TM4SF20: variants seen among roughly 807,000 people sequenced by gnomAD.
TM4SF20 encodes the protein transmembrane 4 L6 family member 20.
Under a neutral mutation model 15.1 loss-of-function variants are expected in TM4SF20, and 13 were observed. The ratio of observed to expected loss-of-function variants is 0.86; its 90% CI spans 0.56 to 1.36. TM4SF20 has a LOEUF of 1.36. TM4SF20 is among the 40% of genes most tolerant of loss of function. The pLI is 0.00. For missense variants in TM4SF20, 282 were observed against 268.4 expected, an observed-to-expected ratio of 1.05 and a Z score of -0.35; for synonymous variants, 92 against 96.6, an observed-to-expected ratio of 0.95 and a Z score of 0.28.
At chr2:227,365,198 G>T (rs1205943728) in intron 3 of TM4SF20, among the ~76,000 whole-genome samples, 1 of 152,194 alleles carries the variant, frequency 6.6e-6, no homozygotes, top group Non-Finnish European at 1.5e-5. Flanking sequence ...GGCGTGAGCC[G>T]CTGTGCCTGG....
intron 1 of TM4SF20, among the ~76,000 whole-genome samples, chr2:227,377,675 G>A (rs1445691351): frequency 1.3e-5 from 2 of 152,122 alleles, no homozygotes; most frequent in African/African-American, 4.8e-5. Context: ...CCTTTGCAGG[G>A]ACATGGATGG....
intron 3 of TM4SF20, among the ~76,000 whole-genome samples, chr2:227,364,443 C>T (rs557361677): frequency 3.3e-5 from 5 of 150,408 alleles, no homozygotes; most frequent in African/African-American, 1.2e-4. Context: ...GCGTGGCGTC[C>T]GTTCTTCAAC....
At chr2:227,380,463 G>T (rs2076474582), upstream of TM4SF20, among the ~76,000 whole-genome samples, 1 of 150,044 alleles carries the variant, frequency 6.7e-6, no homozygotes, top group Admixed American at 6.6e-5. Flanking sequence ...CTTGATCCAG[G>T]CTTCCACAGT....
upstream of TM4SF20, among the ~76,000 whole-genome samples, chr2:227,380,522 T>TG (rs552816706): frequency 2.1e-3 from 316 of 152,290 alleles, no homozygotes; most frequent in Middle Eastern, 0.01. Context: ...TGGATCTATA[T>TG]GTTTCTGCCC....
At chr2:227,365,713 C>T (rs150624122) in intron 3 of TM4SF20, among the ~76,000 whole-genome samples, 2 of 152,246 alleles carry the variant, frequency 1.3e-5, no homozygotes, top group African/African-American at 4.8e-5. Flanking sequence ...TAAATGTTCT[C>T]TTCACTCTCA....
intron 2 of TM4SF20, among the ~76,000 whole-genome samples, chr2:227,366,453 C>A (rs1218533606): frequency 6.6e-6 from 1 of 151,998 alleles, no homozygotes; most frequent in Admixed American, 6.6e-5. Flanking sequence ...TGGGGCTGGG[C>A]ATGGTGGCTC....
chr2:227,381,073 G>A (rs561273062), upstream of TM4SF20, among the ~76,000 whole-genome samples: 1 of 152,204 alleles, frequency 6.6e-6, no homozygotes, highest in East Asian at 1.9e-4. Context: ...CCAGGAGTTC[G>A]AGACCAGCCT....
chr2:227,365,878 T>G, intron 3 of TM4SF20, among the ~76,000 whole-genome samples: 1 of 152,232 alleles, frequency 6.6e-6, no homozygotes, highest in East Asian at 1.9e-4. Flanking sequence ...TTAGACAATA[T>G]CTAAAAGTCC....
chr2:227,366,339 C>T (rs1414254708), intron 2 of TM4SF20, 95 bp from the exon 3 acceptor site: 8 of 1,109,086 alleles, frequency 7.2e-6, no homozygotes, highest in African/African-American at 1.6e-5. Flanking sequence ...TAAATCCAGT[C>T]GCCCTAAAAT....
chr2:227,368,225 C>G (rs182974675), intron 2 of TM4SF20, among the ~76,000 whole-genome samples: 23 of 149,108 alleles, frequency 1.5e-4, no homozygotes, highest in African/African-American at 5.6e-4. Context: ...GGGTTTCACC[C>G]TGTTAACCAG....
chr2:227,380,674 C>T (rs187407529), upstream of TM4SF20, among the ~76,000 whole-genome samples: 307 of 152,312 alleles, frequency 2.0e-3, no homozygotes, highest in Non-Finnish European at 3.3e-3. Context: ...ATCTCTACAG[C>T]GCCTTCCTTC....
intron 1 of TM4SF20, among the ~76,000 whole-genome samples, chr2:227,376,977 A>C (rs2106496299): frequency 6.6e-6 from 1 of 152,372 alleles, no homozygotes; most frequent in Non-Finnish European, 1.5e-5. Context: ...GCAGACGGCC[A>C]ATAAATGAGC....
chr2:227,379,115 A>T lies in TM4SF20; in HGVS notation c.154T>A (p.Phe52Ile), dbSNP rs763057722. 15 of 1,614,100 alleles carry T rather than the reference A, an allele frequency of 9.3e-6. No homozygotes were observed. The highest frequency in any genetic ancestry group is 2.2e-5 in the East Asian group (1 of 44,896). ...QNPISCFEWW[F>I]PGIIGAGLMA... is the part of the protein sequence containing the mutation. ...AGACCTGCTCCTATAATTCCTGGGAACCACCACTCAAAGCAAGAGATGGGG... is the reference window on the plus strand; with the variant it reads ...AGACCTGCTCCTATAATTCCTGGGATCCACCACTCAAAGCAAGAGATGGGG... The change falls in exon 1 of 4, where the codon TTC becomes ATC. Residue 52 changes from phenylalanine (F) to isoleucine (I), a missense_variant. Coordinates refer to ENST00000304568, the MANE Select transcript of TM4SF20 (RefSeq NM_024795.4).
rs983223454 is a variant in TM4SF20, at chr2:227,366,372, T to G, written c.250-128A>C. The stretch of plus-strand genomic sequence containing the variant: ...AATCCTGGATCTTAAGATCACAGTT[T>G]ATTAGGTGTGAATGATACAAAAAGG... On this transcript the variant is annotated intron_variant, in intron 2 of 3. Coordinates refer to ENST00000304568, the MANE Select transcript of TM4SF20 (RefSeq NM_024795.4). 1.5e-5 allele frequency: 11 copies of G among 735,346 alleles called. No individual in the cohort carries two copies. The African/African-American group carries it at 2.0e-4, about 13-fold the overall frequency. 45.6% of individuals were successfully genotyped at this position (735,346 alleles called of 1,614,324 possible).
At position 227,363,623 on chromosome 2, in the gene TM4SF20, G is replaced by A. The variant is rs975618752; in HGVS notation, c.*101C>T. 4.0e-6 allele frequency: 5 copies of A among 1,252,068 alleles called. No individual in the cohort carries two copies. The highest frequency in any genetic ancestry group is 4.6e-5 in the Admixed American group (2 of 43,930). The allele number at this position is 1,252,068 out of a possible 1,614,324, so 77.6% of individuals were successfully genotyped here. A position where few individuals can be genotyped will look rare whatever the true frequency, so the allele number is the denominator to read the frequency against. ...TGCATTTACAACGTGCTTTCTACGT[G>A]AAGGGTTGATTTTTTAAATCATCTC... On this transcript the variant is annotated 3_prime_UTR_variant, in exon 4 of 4. Coordinates refer to ENST00000304568, the MANE Select transcript of TM4SF20 (RefSeq NM_024795.4).
intron 2 of TM4SF20, 66 bp from the exon 3 acceptor site, chr2:227,366,310 G>C: frequency 7.1e-7 from 1 of 1,414,800 alleles, no homozygotes; most frequent in East Asian, 2.3e-5. Flanking sequence ...CAAGCTTCAG[G>C]AGCGTATACA....
intron 1 of TM4SF20, among the ~76,000 whole-genome samples, chr2:227,372,254 T>C (rs951739241): frequency 1.3e-5 from 2 of 152,144 alleles, no homozygotes; most frequent in Admixed American, 1.3e-4. Context: ...GTAGGTGCTA[T>C]TATTATTCCC....
chr2:227,367,154 G>T (rs186101528), intron 2 of TM4SF20, among the ~76,000 whole-genome samples: 50 of 152,042 alleles, frequency 3.3e-4, no homozygotes, highest in Non-Finnish European at 6.3e-4. Context: ...ATCATCCCCC[G>T]ACGCCTTGCC....
chr2:227,365,080 T>G (rs1274048606), intron 3 of TM4SF20, among the ~76,000 whole-genome samples: 1 of 152,202 alleles, frequency 6.6e-6, no homozygotes, highest in Non-Finnish European at 1.5e-5. Context: ...CTGGCTCATT[T>G]TTGTATTTTC....
Sources: gnomAD v4.1 joint callset for allele counts (sites outside exome capture counted in the v4.1 genomes callset) on GRCh38, gnomAD v4.1.1 for gene constraint, MANE v1.5 for transcripts, NCBI Gene and HGNC (gene_info 2026-07-23, HGNC 2026-07-21) for gene names.